Variants in DSC1 observed in about 807,000 individuals in gnomAD.
DSC1 encodes desmocollin-1.
DSC1 carries 79 observed loss-of-function variants against 98.8 expected under a neutral mutation model. That is an observed-to-expected ratio of 0.80 (90% confidence interval 0.67 to 0.96). The LOEUF is 0.96. DSC1 is among the 50% of genes least tolerant of loss of function. DSC1 has a pLI of 0.00. For synonymous variants in DSC1, 405 were observed against 372.1 expected (o/e 1.09, Z -1.02); for missense variants, 1,115 against 1,075.9 (o/e 1.04, Z -0.51).
At chr18:31,161,329 C>G (rs1989204008) in intron 1 of DSC1, among the ~76,000 whole-genome samples, 1 of 151,780 alleles carries the variant, frequency 6.6e-6, no homozygotes, top group South Asian at 2.1e-4. Context: ...TTTTGCAGAG[C>G]ATGACTGTAT....
Position 31,142,049 on chromosome 18 carries a change from T to C in DSC1, c.1210A>G (p.Ile404Val). ...TTTGTATTTGGATCTGTGCTAATTA[T>C]GAAGTTTCCATTTTCATTTCCTTGT... Reference protein sequence around the residue: ...ILQGNENGNFIISTDPNTNEG... With the variant: ...ILQGNENGNFVISTDPNTNEG... The change falls in exon 9 of 16, where the codon ATA becomes GTA. Residue 404 changes from isoleucine (I) to valine (V), a missense_variant. Transcript: ENST00000257198. The C allele has an allele frequency of 6.2e-7, 1 of 1,612,678 alleles. No individual in the cohort carries two copies. The highest frequency in any genetic ancestry group is 8.5e-7 in the Non-Finnish European group (1 of 1,179,604).
At chr18:31,136,399 A>T (rs1988610072) in intron 11 of DSC1, among the ~76,000 whole-genome samples, 2 of 152,244 alleles carry the variant, frequency 1.3e-5, no homozygotes, top group African/African-American at 4.8e-5. Flanking sequence ...ATCCAAAAAA[A>T]GTGGTAATTA....
At chr18:31,160,071 A>G (rs1989182206) in intron 1 of DSC1, among the ~76,000 whole-genome samples, 1 of 152,210 alleles carries the variant, frequency 6.6e-6, no homozygotes, top group Non-Finnish European at 1.5e-5. Context: ...GCCAAAATCT[A>G]AATGATCTCA....
chr18:31,151,235 A>T (rs1988995615), intron 5 of DSC1, among the ~76,000 whole-genome samples: 1 of 152,172 alleles, frequency 6.6e-6, no homozygotes, highest in Admixed American at 6.5e-5. Context: ...AGAGTTGGTG[A>T]TTTTACTTCA....
intron 1 of DSC1, among the ~76,000 whole-genome samples, chr18:31,161,607 G>A (rs916217708): frequency 1.6e-4 from 24 of 152,036 alleles, no homozygotes; most frequent in African/African-American, 5.3e-4. Flanking sequence ...AAATAAACAG[G>A]AGATGAATTG....
Position 31,154,846 on chromosome 18 carries a change from A to C in DSC1, c.555T>G (p.Phe185Leu). The C allele has an allele frequency of 6.2e-7, 1 of 1,614,118 alleles. No homozygotes were observed. Among genetic ancestry groups the C allele is most frequent in the South Asian group, 1.1e-5 (1 of 91,074 alleles). Residue 185 changes from phenylalanine (F) to leucine (L), a missense_variant, in exon 5 of 16, where the codon TTT becomes TTG. Coordinates refer to ENST00000257198, the MANE Select transcript of DSC1 (RefSeq NM_024421.2). ...TATCCCCAGTGTCTTTCTCTATGTAAAACAAATTGAAGGGTTCTTTGTCCA... is the reference window on the plus strand; with the variant it reads ...TATCCCCAGTGTCTTTCTCTATGTACAACAAATTGAAGGGTTCTTTGTCCA... ...PGVDKEPFNL[F>L]YIEKDTGDIF...
chr18:31,138,330 A>G (rs1426235689), intron 11 of DSC1, among the ~76,000 whole-genome samples: 1 of 152,100 alleles, frequency 6.6e-6, no homozygotes, highest in Non-Finnish European at 1.5e-5. Flanking sequence ...TAATCTGAGC[A>G]GGTCTTAACT....
intron 10 of DSC1, 27 bp from the exon 11 acceptor site, chr18:31,139,917 G>T (rs746804806): frequency 1.9e-6 from 3 of 1,579,268 alleles, no homozygotes; most frequent in South Asian, 1.2e-5. Flanking sequence ...AAATATGAAC[G>T]GTCAAATCAA....
intron 5 of DSC1, among the ~76,000 whole-genome samples, chr18:31,149,792 T>C (rs1988922127): frequency 6.6e-6 from 1 of 152,184 alleles, no homozygotes; most frequent in Non-Finnish European, 1.5e-5. Flanking sequence ...GGAAAGAATG[T>C]ACACTCCAAA....
chr18:31,157,558 C>T lies in DSC1; in HGVS notation c.164G>A (p.Cys55Tyr), dbSNP rs756889324. The T allele has an allele frequency of 1.9e-6, 3 of 1,614,152 alleles. No homozygotes were observed. The highest frequency in any genetic ancestry group is 1.6e-4 in the Middle Eastern group (1 of 6,062). Reference protein sequence around the residue: ...TLVGKVNLEECLKSASLIRSS... With the variant: ...TLVGKVNLEEYLKSASLIRSS... ...CCGGATTAGGCTGGCCGACTTGAGACACTCCTCCAGATTCACTGCAGGGAA... is the reference window on the plus strand; with the variant it reads ...CCGGATTAGGCTGGCCGACTTGAGATACTCCTCCAGATTCACTGCAGGGAA... The change falls in exon 3 of 16, where the codon TGT (cysteine) becomes TAT (tyrosine). Residue 55 changes from cysteine to tyrosine, a missense_variant. By Grantham distance (194) the Cys-to-Tyr change is radical (BLOSUM62 -2). Coordinates refer to ENST00000257198, the MANE Select transcript of DSC1 (RefSeq NM_024421.2).
At position 31,143,720 on chromosome 18, in the gene DSC1, T is replaced by C. The variant is rs754239367; in HGVS notation, c.1011A>G (p.Thr337=). ...MGGQPFGLFN[T]GTITISLEDE... Reference sequence around the variant, plus strand: ...CCTCAAGTGAAATAGTAATTGTTCCTGTATTAAATAAACCGAAAGGCTGAC... The same window carrying C: ...CCTCAAGTGAAATAGTAATTGTTCCCGTATTAAATAAACCGAAAGGCTGAC... The change falls in exon 8 of 16, where the codon ACA becomes ACG. Residue 337 remains threonine (T), a synonymous_variant. Coordinates refer to ENST00000257198, the MANE Select transcript of DSC1 (RefSeq NM_024421.2). 6 of 1,601,610 alleles carry C rather than the reference T, an allele frequency of 3.7e-6. No individual in the cohort carries two copies. The Admixed American group carries it at 6.8e-5, about 18-fold the overall frequency.
Position 31,133,978 on chromosome 18 carries a change from C to T in DSC1, c.2029G>A (p.Asp677Asn), listed in dbSNP as rs267605150. 6.2e-7 allele frequency: 1 copy of T among 1,613,216 alleles called. No homozygotes were observed. Among genetic ancestry groups the T allele is most frequent in the Non-Finnish European group, 8.5e-7 (1 of 1,179,616 alleles). The part of the protein sequence containing the change: ...CSTPSECRMK[D>N]KSTRDVRPNV... ...GGTCTAACGTCTCTTGTACTTTTAT[C>T]CTTCATTCTACACTCAGATGGAGTT... is the stretch of plus-strand genomic sequence containing the variant. The change falls in exon 13 of 16, where the codon GAT becomes AAT. Residue 677 changes from aspartate (D) to asparagine (N), a missense_variant. Coordinates refer to ENST00000257198, the MANE Select transcript of DSC1 (RefSeq NM_024421.2).
intron 6 of DSC1, among the ~76,000 whole-genome samples, chr18:31,146,314 C>A (rs979552554): frequency 6.6e-6 from 1 of 152,106 alleles, no homozygotes. Flanking sequence ...GTTCAGCTCT[C>A]ACTTATAAGT....
At chr18:31,153,382 G>A (rs1399585079) in intron 5 of DSC1, among the ~76,000 whole-genome samples, 1 of 152,118 alleles carries the variant, frequency 6.6e-6, no homozygotes, top group Non-Finnish European at 1.5e-5. Context: ...AGATCAAAGT[G>A]ATTGCAATGG....
chr18:31,133,991 C>A lies in DSC1; in HGVS notation c.2016G>T (p.Glu672Asp). 1 of 1,613,396 alleles carries A rather than the reference C, an allele frequency of 6.2e-7. No individual in the cohort carries two copies. Among genetic ancestry groups the A allele is most frequent in the East Asian group, 2.2e-5 (1 of 44,778 alleles). Reference protein sequence around the residue: ...VRVCDCSTPSECRMKDKSTRD... With the variant: ...VRVCDCSTPSDCRMKDKSTRD... ...TTGTACTTTTATCCTTCATTCTACA[C>A]TCAGATGGAGTTGAACAGTCACATA... Residue 672 changes from glutamate (E) to aspartate (D), a missense_variant, in exon 13 of 16, where the codon GAG (glutamate) becomes GAT (aspartate). Physicochemically the swap from Glu to Asp is conservative, Grantham distance 45. Transcript: ENST00000257198.
chr18:31,138,918 A>G (rs1173435164), intron 11 of DSC1, among the ~76,000 whole-genome samples: 3 of 152,076 alleles, frequency 2.0e-5, no homozygotes, highest in Non-Finnish European at 4.4e-5. Flanking sequence ...CAATTTGCCA[A>G]AATTTATGGT....
intron 5 of DSC1, among the ~76,000 whole-genome samples, chr18:31,152,056 G>C (rs1438936406): frequency 6.6e-6 from 1 of 152,090 alleles, no homozygotes; most frequent in African/African-American, 2.4e-5. Context: ...CAGCTACTCG[G>C]GAGGTTGAGG....
chr18:31,147,930 A>G (rs1988880361), intron 6 of DSC1, among the ~76,000 whole-genome samples: 1 of 152,040 alleles, frequency 6.6e-6, no homozygotes, highest in Non-Finnish European at 1.5e-5. Context: ...TTAGGCTTCT[A>G]TATATCCTTA....
At chr18:31,154,015 A>G (rs1048010457) in intron 5 of DSC1, among the ~76,000 whole-genome samples, 1 of 152,200 alleles carries the variant, frequency 6.6e-6, no homozygotes, top group Non-Finnish European at 1.5e-5. Context: ...AAGACAATAA[A>G]TGCTTAATCA....
Sources: allele counts gnomAD v4.1 joint callset (sites outside exome capture counted in the v4.1 genomes callset), GRCh38; gene constraint gnomAD v4.1.1; transcripts MANE v1.5; gene names NCBI Gene and HGNC (gene_info 2026-07-23, HGNC 2026-07-21).